The following CHSY3 variants were observed in gnomAD, a reference collection of about 807,000 sequenced individuals.
CHSY3 encodes N-acetylgalactosaminyl-proteoglycan 3-beta-glucuronosyltransferase 3.
Under a neutral mutation model 67.2 loss-of-function variants are expected in CHSY3, and 35 were observed. The ratio of observed to expected loss-of-function variants is 0.52; its 90% CI spans 0.40 to 0.69. The LOEUF is 0.69. Among genes scored for constraint, CHSY3 ranks in the 30% least tolerant of loss-of-function variants. The pLI, the probability that CHSY3 is intolerant of heterozygous loss-of-function variation, is 0.00. For missense variants in CHSY3, 1,069 were observed against 1,138.5 expected, an observed-to-expected ratio of 0.94 and a Z score of 0.88; for synonymous variants, 474 against 434.7, an observed-to-expected ratio of 1.09 and a Z score of -1.12.
rs559585862 is a variant in CHSY3 at position 130,100,341 on chromosome 5, T to C, written c.1087-83888T>C. On this transcript the variant is annotated intron_variant, in intron 2 of 2. Transcript: ENST00000305031. ...CTGGGGCTACAGGTGCCCACCACCA[T>C]GCTTGGCTATTTTTTTTTTTTTTTT... Among the ~76,000 whole-genome samples the C allele has an allele frequency of 1.0e-4, 15 of 143,896 alleles. No homozygotes were observed. In the South Asian group the frequency reaches 3.4e-3, roughly 32 times the overall value. 94.4% of individuals were successfully genotyped at this position (143,896 alleles called of 152,430 possible).
At chr5:129,906,786 C>T (rs1040980664) in intron 1 of CHSY3, among the ~76,000 whole-genome samples, 2 of 152,210 alleles carry the variant, frequency 1.3e-5, no homozygotes, top group Non-Finnish European at 2.9e-5. Context: ...CCTTTCTACT[C>T]GTAGCCTCAT....
chr5:130,056,918 C>CTTTTTTTTTTT (rs58326964), intron 2 of CHSY3, among the ~76,000 whole-genome samples: 3 of 56,120 alleles, frequency 5.3e-5, no homozygotes, highest in Admixed American at 2.9e-4. Flanking sequence ...GCATTTCTTT[C>CTTTTTTTTTTT]TTTTTTTTTT....
chr5:130,094,962 C>T (rs1420809748), intron 2 of CHSY3, among the ~76,000 whole-genome samples: 1 of 151,776 alleles, frequency 6.6e-6, no homozygotes, highest in East Asian at 1.9e-4. Context: ...GCTAGGAGTC[C>T]CACTGTTAAG....
chr5:129,986,852 A>G (rs1763219979), intron 2 of CHSY3, among the ~76,000 whole-genome samples: 1 of 152,086 alleles, frequency 6.6e-6, no homozygotes, highest in South Asian at 2.1e-4. Flanking sequence ...CATCTTTCCC[A>G]AGCTGGTCTT....
intron 2 of CHSY3, among the ~76,000 whole-genome samples, chr5:130,088,250 A>T (rs1249526808): frequency 1.3e-5 from 2 of 151,958 alleles, no homozygotes; most frequent in Non-Finnish European, 2.9e-5. Context: ...CGTTAGACCT[A>T]AAACCATAAA....
At chr5:129,906,750 G>A (rs961508735) in intron 1 of CHSY3, among the ~76,000 whole-genome samples, 5 of 152,122 alleles carry the variant, frequency 3.3e-5, no homozygotes, top group African/African-American at 1.2e-4. Context: ...CCCGGTCAAA[G>A]GGGGGCAGCC....
intron 2 of CHSY3, among the ~76,000 whole-genome samples, chr5:129,947,243 C>A (rs1761882828): frequency 6.6e-6 from 1 of 151,988 alleles, no homozygotes; most frequent in African/African-American, 2.4e-5. Context: ...ATCATGAGAA[C>A]AACATAAGGA....
At chr5:130,040,923 G>T (rs1764990133) in intron 2 of CHSY3, among the ~76,000 whole-genome samples, 1 of 152,054 alleles carries the variant, frequency 6.6e-6, no homozygotes, top group African/African-American at 2.4e-5. Flanking sequence ...TGTTTAGTAA[G>T]CTCAAGCAGC....
intron 2 of CHSY3, among the ~76,000 whole-genome samples, chr5:130,040,537 A>G (rs2149665040): frequency 6.6e-6 from 1 of 152,282 alleles, no homozygotes; most frequent in Middle Eastern, 3.4e-3. Context: ...AGCACAGCCA[A>G]GAATTTACTC....
chr5:130,015,391 A>C (rs1247896665), intron 2 of CHSY3, among the ~76,000 whole-genome samples: 1 of 152,148 alleles, frequency 6.6e-6, no homozygotes, highest in African/African-American at 2.4e-5. Context: ...ACAAATTAAC[A>C]AGCTAAAAAA....
intron 2 of CHSY3, among the ~76,000 whole-genome samples, chr5:130,081,104 G>C (rs2149686614): frequency 6.6e-6 from 1 of 152,230 alleles, no homozygotes; most frequent in South Asian, 2.1e-4. Context: ...GCAGGCAATG[G>C]TTTGTGACAA....
intron 2 of CHSY3, among the ~76,000 whole-genome samples, chr5:130,004,745 T>C (rs1763824412): frequency 6.6e-6 from 1 of 152,156 alleles, no homozygotes; most frequent in Non-Finnish European, 1.5e-5. Context: ...TTTAAGAGAC[T>C]GGATAAAAAA....
chr5:130,133,672 T>A (rs1464716876), intron 2 of CHSY3, among the ~76,000 whole-genome samples: 1 of 148,382 alleles, frequency 6.7e-6, no homozygotes, highest in African/African-American at 2.5e-5. Flanking sequence ...CTTGGGAGGC[T>A]GAGGCACGAG....
At chr5:130,076,646 A>T (rs1301178878) in intron 2 of CHSY3, among the ~76,000 whole-genome samples, 1 of 152,026 alleles carries the variant, frequency 6.6e-6, no homozygotes, top group Non-Finnish European at 1.5e-5. Flanking sequence ...AGATACATAC[A>T]CATAGGGTTT....
Position 130,171,939 on chromosome 5 carries a change from A to G in CHSY3, c.1087-12290A>G, listed in dbSNP as rs189688839. Among the ~76,000 whole-genome samples, 218 of 152,326 alleles carry G rather than the reference A, an allele frequency of 1.4e-3. 1 individual carries two copies. Among genetic ancestry groups the G allele is most frequent in the African/African-American group, 4.4e-3 (184 of 41,576 alleles). ...AACTAACTGGAAAAAAGAAGAAACT[A>G]TAGTCCTAGGAAGCCAGAAAGTCTG... On this transcript the variant is annotated intron_variant, in intron 2 of 2. Coordinates refer to ENST00000305031, the MANE Select transcript of CHSY3 (RefSeq NM_175856.5).
At chr5:130,008,999 C>T (rs1763967162) in intron 2 of CHSY3, among the ~76,000 whole-genome samples, 1 of 148,946 alleles carries the variant, frequency 6.7e-6, no homozygotes, top group South Asian at 2.2e-4. Context: ...CATTGGCATC[C>T]CTTAAGGAGA....
At chr5:129,967,938 A>G (rs1179122421) in intron 2 of CHSY3, among the ~76,000 whole-genome samples, 3 of 151,794 alleles carry the variant, frequency 2.0e-5, no homozygotes, top group Non-Finnish European at 2.9e-5. Context: ...TGAAGTGGCA[A>G]TAAGAGAGTA....
chr5:129,920,048 A>C (rs1314227356), intron 2 of CHSY3, among the ~76,000 whole-genome samples: 1 of 152,178 alleles, frequency 6.6e-6, no homozygotes, highest in Admixed American at 6.5e-5. Flanking sequence ...TCAATTAAAA[A>C]AACAAACTTT....
intron 2 of CHSY3, among the ~76,000 whole-genome samples, chr5:130,086,512 G>A (rs1051203461): frequency 1.1e-4 from 17 of 151,888 alleles, no homozygotes; most frequent in African/African-American, 7.3e-5. Flanking sequence ...GTCTCTGCAC[G>A]TGAGATGGGT....
Sources: allele counts gnomAD v4.1 joint callset (sites outside exome capture counted in the v4.1 genomes callset), GRCh38; gene constraint gnomAD v4.1.1; transcripts MANE v1.5; gene names NCBI Gene and HGNC (gene_info 2026-07-23, HGNC 2026-07-21).